Variants in ABHD2 observed in about 807,000 individuals in gnomAD.
The protein encoded by ABHD2 is abhydrolase domain containing 2, acylglycerol lipase, also known as monoacylglycerol lipase ABHD2.
A neutral mutation model predicts 48.1 loss-of-function variants in ABHD2; 20 were observed. The observed-to-expected ratio is 0.42, with a 90% confidence interval of 0.29 to 0.60. The LOEUF is 0.60. ABHD2 is among the 20% of genes least tolerant of loss of function. The pLI is 0.24. For missense variants in ABHD2, 405 were observed against 550.9 expected (o/e 0.74, Z 2.65); for synonymous variants, 209 against 214.2 (o/e 0.98, Z 0.21).
At chr15:89,105,491 A>G (rs1486446094) in intron 1 of ABHD2, among the ~76,000 whole-genome samples, 1 of 152,256 alleles carries the variant, frequency 6.6e-6, no homozygotes, top group African/African-American at 2.4e-5. Context: ...CTGTTATCAC[A>G]TGAGTAGGTT....
chr15:89,042,587 CTTATTTATTTAT>C, the ABHD2 span, among the ~76,000 whole-genome samples: 1,080 of 142,000 alleles, frequency 7.6e-3, 7 homozygotes, highest in African/African-American at 0.018. Context: ...TTCTTTCTTT[CTTATTTATTTAT>C]TTATTTATTT....
intron 3 of ABHD2, among the ~76,000 whole-genome samples, chr15:89,124,018 T>G (rs1484863964): frequency 2.0e-5 from 3 of 152,206 alleles, no homozygotes; most frequent in Non-Finnish European, 4.4e-5. Context: ...AAATATCCAT[T>G]TTTCTTTTAT....
chr15:89,070,455 A>G, the ABHD2 span, among the ~76,000 whole-genome samples: 1 of 152,160 alleles, frequency 6.6e-6, no homozygotes, highest in Non-Finnish European at 1.5e-5. Flanking sequence ...TAAGTCCAAG[A>G]TCTCATGGTA....
intron 3 of ABHD2, among the ~76,000 whole-genome samples, chr15:89,127,553 A>G (rs536455856): frequency 6.6e-6 from 1 of 152,016 alleles, no homozygotes; most frequent in East Asian, 1.9e-4. Context: ...CCAGATCACA[A>G]AAGCTTGAAC....
At chr15:89,157,335 C>T (rs1225918757) in intron 5 of ABHD2, among the ~76,000 whole-genome samples, 7 of 152,134 alleles carry the variant, frequency 4.6e-5, no homozygotes, top group Non-Finnish European at 8.8e-5. Context: ...ATTCCAATTA[C>T]GTTGCCACTG....
At chr15:89,113,019 T>C (rs959780818) in intron 1 of ABHD2, among the ~76,000 whole-genome samples, 5 of 152,236 alleles carry the variant, frequency 3.3e-5, no homozygotes, top group African/African-American at 1.2e-4. Context: ...TGCATAAACA[T>C]TGGGCTGTTT....
In ABHD2 at chr15:89,120,826, T is replaced by C. The variant is rs1463726232; in HGVS notation, c.194+4305T>C. ...TTTGTCTAACAGGTTTTTCAGTTTT[T>C]AGCAGAAAACCTCCCACGTGAAAAA... On this transcript the variant is annotated intron_variant, in intron 3 of 10. Transcript: ENST00000352732. This position sits in a 1 kb window ranked among gnomAD's most constrained non-coding sequence, Gnocchi z 4.2. The C allele has an allele frequency of 6.7e-6, 1 of 149,294 alleles. No individual in the cohort carries two copies. Among genetic ancestry groups the C allele is most frequent in the Non-Finnish European group, 1.5e-5 (1 of 66,834 alleles). 9.2% of individuals were successfully genotyped at this position (149,294 alleles called of 1,614,324 possible).
At chr15:89,136,780 G>A (rs1302594645) in intron 3 of ABHD2, among the ~76,000 whole-genome samples, 1 of 152,244 alleles carries the variant, frequency 6.6e-6, no homozygotes, top group South Asian at 2.1e-4. Context: ...AATATAATGT[G>A]ATTTTCCAGC....
At chr15:89,058,199 T>C in the ABHD2 span, among the ~76,000 whole-genome samples, 4 of 152,138 alleles carry the variant, frequency 2.6e-5, no homozygotes, top group Non-Finnish European at 5.9e-5. Context: ...TTCCCCTGGC[T>C]CTCCACTTCT....
rs905303416 is a variant in ABHD2 at position 89,185,189 on chromosome 15, C to G, written c.723-235C>G. Reference sequence around the variant, plus strand: ...GGGGTGCCACCAACAAAGCCTCTGGCGCTAGAGAGGGCCTTTGCCGGGGTC... The same window carrying G: ...GGGGTGCCACCAACAAAGCCTCTGGGGCTAGAGAGGGCCTTTGCCGGGGTC... On this transcript the variant is annotated intron_variant, in intron 6 of 10. Coordinates refer to ENST00000352732, the MANE Select transcript of ABHD2 (RefSeq NM_152924.5). The surrounding 1 kb of genome is among the most constrained non-coding windows in gnomAD (Gnocchi z 5.9). Among the ~76,000 whole-genome samples the G allele has an allele frequency of 6.6e-6, 1 of 152,156 alleles. No individual in the cohort carries two copies. The highest frequency in any genetic ancestry group is 6.5e-5 in the Admixed American group (1 of 15,286).
intron 1 of ABHD2, chr15:89,090,308 A>G (rs2150766436): frequency 6.6e-6 from 1 of 152,324 alleles, no homozygotes; most frequent in Middle Eastern, 3.4e-3. Context: ...TTATGTTAGA[A>G]GATTGTTTTG....
chr15:89,049,497 G>A, the ABHD2 span, among the ~76,000 whole-genome samples: 2,195 of 152,312 alleles, frequency 0.014, 59 homozygotes, highest in African/African-American at 0.051. Flanking sequence ...CCTCGCTGCC[G>A]CCTTGCAGTT....
chr15:89,067,822 C>A, the ABHD2 span, among the ~76,000 whole-genome samples: 1 of 152,148 alleles, frequency 6.6e-6, no homozygotes. Context: ...CTCTGAGAGT[C>A]CAAACCTTGA....
intron 3 of ABHD2, among the ~76,000 whole-genome samples, chr15:89,144,131 A>G (rs537042405): frequency 1.3e-5 from 2 of 152,218 alleles, no homozygotes; most frequent in East Asian, 1.9e-4. Flanking sequence ...AAACCATCCA[A>G]TGTCTTTTTT....
In ABHD2 at chr15:89,199,962, T is replaced by TCTG. The variant is rs926538944; in HGVS notation, c.*4550_*4552dup. ...GCAAGGCCTGCTTCCTTCCTTCCCC[T>TCTG]CTGCTGCTGCTGCCTCGGAACGCTG... On this transcript the variant is annotated 3_prime_UTR_variant, in exon 11 of 11. Transcript: ENST00000352732. The surrounding 1 kb of genome is among the most constrained non-coding windows in gnomAD (Gnocchi z 4.1). The TCTG allele has an allele frequency of 2.0e-4, 30 of 152,640 alleles. No individual in the cohort carries two copies. The highest frequency in any genetic ancestry group is 6.5e-4 in the African/African-American group (27 of 41,548). The allele number at this position is 152,640 out of a possible 1,614,324, so 9.5% of individuals were successfully genotyped here.
chr15:89,089,687 G>T (rs138322042), intron 1 of ABHD2, among the ~76,000 whole-genome samples: 1 of 152,122 alleles, frequency 6.6e-6, no homozygotes, highest in African/African-American at 2.4e-5. Flanking sequence ...TTCGAAGGCC[G>T]TTTCCTTACA....
Position 89,175,754 on chromosome 15 carries a change from T to A in ABHD2, c.539-58T>A. 6.3e-7 allele frequency: 1 copy of A among 1,598,024 alleles called. No individual in the cohort carries two copies. The highest frequency in any genetic ancestry group is 2.2e-5 in the East Asian group (1 of 44,800). On this transcript the variant is annotated intron_variant, in intron 5 of 10. Coordinates refer to ENST00000352732, the MANE Select transcript of ABHD2 (RefSeq NM_152924.5). The surrounding 1 kb of genome is among the most constrained non-coding windows in gnomAD (Gnocchi z 5.7). ...CCATTTAGTAACGTTCCAGCTTGCA[T>A]TTTCTCCAGATAGGATGCACCTGAA...
intron 5 of ABHD2, among the ~76,000 whole-genome samples, chr15:89,159,400 G>T (rs193294433): frequency 1.3e-5 from 2 of 152,138 alleles, no homozygotes; most frequent in African/African-American, 4.8e-5. Flanking sequence ...TTACAATACA[G>T]TGTGATGAGT....
intron 9 of ABHD2, 56 bp from the exon 10 acceptor site, chr15:89,193,179 A>T: frequency 6.5e-7 from 1 of 1,541,488 alleles, no homozygotes; most frequent in South Asian, 1.1e-5. Context: ...CCTTGAATCG[A>T]TGGGGTCTGA....
Sources: allele counts gnomAD v4.1 joint callset (sites outside exome capture counted in the v4.1 genomes callset), GRCh38; gene constraint gnomAD v4.1.1; non-coding constraint Gnocchi (gnomAD v3.1); transcripts MANE v1.5; gene names NCBI Gene and HGNC (gene_info 2026-07-23, HGNC 2026-07-21).